ATG4C: variants seen among roughly 807,000 people sequenced by gnomAD.
ATG4C encodes the protein autophagy related 4C cysteine peptidase, also known as cysteine protease ATG4C.
In ATG4C, 56 loss-of-function variants were observed where a neutral mutation model predicts 57.6. The observed-to-expected ratio is 0.97, with a 90% CI of 0.78 to 1.21. The LOEUF (loss-of-function observed/expected upper bound fraction) is 1.21. ATG4C is among the 50% of genes most tolerant of loss of function. The probability of loss-of-function intolerance (pLI) is 0.00; values close to 1 mark genes in which losing one functional copy is unlikely to be tolerated. For synonymous variants in ATG4C, 157 were observed against 174.1 expected, an observed-to-expected ratio of 0.90 and a Z score of 0.78; for missense variants, 595 against 529.8, an observed-to-expected ratio of 1.12 and a Z score of -1.21.
At chr1:62,833,360 A>G (rs1665900798) in intron 7 of ATG4C, among the ~76,000 whole-genome samples, 2 of 152,158 alleles carry the variant, frequency 1.3e-5, no homozygotes, top group Non-Finnish European at 2.9e-5. Context: ...AAAAAGATAT[A>G]GAGTTGATTT....
At chr1:62,838,510 G>A (rs778504441) in intron 9 of ATG4C, among the ~76,000 whole-genome samples, 4 of 152,122 alleles carry the variant, frequency 2.6e-5, no homozygotes, top group Admixed American at 6.6e-5. Flanking sequence ...AGGCATGATG[G>A]CTCCCGCCTG....
chr1:62,850,871 T>C (rs1480120165), intron 10 of ATG4C, among the ~76,000 whole-genome samples: 1 of 70,948 alleles, frequency 1.4e-5, no homozygotes, highest in Non-Finnish European at 2.7e-5. Flanking sequence ...TATATATATA[T>C]ATATATATAT....
chr1:62,797,116 GAAAAA>G (rs910303370), intron 1 of ATG4C, among the ~76,000 whole-genome samples: 1 of 149,140 alleles, frequency 6.7e-6, no homozygotes, highest in African/African-American at 2.5e-5. Context: ...CGGGGAAAAA[GAAAAA>G]AAAAGAAACT....
intron 6 of ATG4C, among the ~76,000 whole-genome samples, chr1:62,823,037 TC>T (rs1337261607): frequency 6.6e-6 from 1 of 152,114 alleles, no homozygotes; most frequent in Admixed American, 6.5e-5. Flanking sequence ...ATGCCTGTAG[TC>T]CCAGCTACTC....
chr1:62,835,865 G>A (rs1665983417), intron 9 of ATG4C, among the ~76,000 whole-genome samples: 1 of 151,998 alleles, frequency 6.6e-6, no homozygotes, highest in Non-Finnish European at 1.5e-5. Flanking sequence ...GAATAATTGT[G>A]CCATGTGAAC....
intron 7 of ATG4C, among the ~76,000 whole-genome samples, chr1:62,830,369 C>G (rs145208579): frequency 3.3e-5 from 5 of 152,004 alleles, no homozygotes; most frequent in African/African-American, 1.2e-4. Context: ...GGGTTCTAAT[C>G]AAATCTGAAC....
At position 62,805,163 on chromosome 1, in the gene ATG4C, T is replaced by A; in HGVS notation, c.77-9T>A. ...AAACGTTTTCTTTTCTTTTTTTTTT[T>A]TTTGCTAGGTTGGGTGTTGAAAACA... On this transcript the variant is annotated splice_polypyrimidine_tract_variant and intron_variant, in intron 2 of 10. Transcript: ENST00000317868. 6.6e-7 allele frequency: 1 copy of A among 1,522,610 alleles called. No homozygotes were observed. The highest frequency in any genetic ancestry group is 8.7e-7 in the Non-Finnish European group (1 of 1,148,352). 94.3% of individuals were successfully genotyped at this position (1,522,610 alleles called of 1,614,324 possible).
At chr1:62,843,451 AC>A (rs1283819989) in intron 10 of ATG4C, among the ~76,000 whole-genome samples, 1 of 152,178 alleles carries the variant, frequency 6.6e-6, no homozygotes, top group Non-Finnish European at 1.5e-5. Context: ...TAAGTTAAGC[AC>A]TTGCCTTTTT....
At chr1:62,800,550 C>G (rs1160860365) in intron 1 of ATG4C, among the ~76,000 whole-genome samples, 1 of 152,158 alleles carries the variant, frequency 6.6e-6, no homozygotes, top group African/African-American at 2.4e-5. Context: ...TGTGGATGCA[C>G]TATATATAAT....
intron 9 of ATG4C, among the ~76,000 whole-genome samples, chr1:62,839,178 C>T (rs1193731810): frequency 6.6e-6 from 1 of 152,198 alleles, no homozygotes; most frequent in East Asian, 1.9e-4. Context: ...CCCACCTAAG[C>T]CTCCTAAGTA....
At chr1:62,804,434 A>G (rs1664788443) in intron 2 of ATG4C, among the ~76,000 whole-genome samples, 1 of 151,358 alleles carries the variant, frequency 6.6e-6, no homozygotes, top group South Asian at 2.1e-4. Context: ...TAATATCCTC[A>G]TGTCTTGCAT....
chr1:62,804,999 CT>C (rs1284145751), intron 2 of ATG4C, among the ~76,000 whole-genome samples, 172 bp from the exon 3 acceptor site: 1 of 152,002 alleles, frequency 6.6e-6, no homozygotes, highest in Non-Finnish European at 1.5e-5. Context: ...CATAAATTGC[CT>C]TTATTTCCAG....
intron 1 of ATG4C, among the ~76,000 whole-genome samples, chr1:62,789,317 A>G (rs1664193203): frequency 1.3e-5 from 2 of 152,186 alleles, no homozygotes; most frequent in African/African-American, 4.8e-5. Flanking sequence ...TGATGAAATT[A>G]TCTCAAATCT....
rs1454961734 is a variant in ATG4C, at chr1:62,864,354, A to G, written c.*195A>G. 4.5e-6 allele frequency: 2 copies of G among 446,530 alleles called. No individual in the cohort carries two copies. Among genetic ancestry groups the G allele is most frequent in the Non-Finnish European group, 7.8e-6 (2 of 257,126 alleles). 27.7% of individuals were successfully genotyped at this position (446,530 alleles called of 1,614,324 possible). ...GATTTAATGAATCTTGCTTTCTAAT[A>G]AATAAATTGAGTGATTCTGGTTGCA... On this transcript the variant is annotated 3_prime_UTR_variant, in exon 11 of 11. Coordinates refer to ENST00000317868, the MANE Select transcript of ATG4C (RefSeq NM_032852.4).
At chr1:62,822,848 A>G (rs1665525805) in intron 6 of ATG4C, among the ~76,000 whole-genome samples, 1 of 152,158 alleles carries the variant, frequency 6.6e-6, no homozygotes, top group South Asian at 2.1e-4. Context: ...ACTCTATACT[A>G]GGACTTTTAA....
intron 9 of ATG4C, among the ~76,000 whole-genome samples, chr1:62,835,925 T>C (rs1181606347): frequency 6.6e-6 from 1 of 152,114 alleles, no homozygotes; most frequent in Non-Finnish European, 1.5e-5. Context: ...CTGATTCTTG[T>C]GTCCAAGTTA....
In ATG4C at chr1:62,852,235, A is replaced by C. The variant is rs553166184; in HGVS notation, c.1209+10688A>C. 3.3e-5 allele frequency among the ~76,000 whole-genome samples: 5 copies of C among 152,338 alleles called. No individual in the cohort carries two copies. In the Middle Eastern group the frequency reaches 0.017, roughly 518 times the overall value. ...TTATTCTCCCAGACCGGATCAGTGC[A>C]GACACACCAGCTCACCTCATGTGCA... On this transcript the variant is annotated intron_variant, in intron 10 of 10. Transcript: ENST00000317868.
At position 62,800,734 on chromosome 1, in the gene ATG4C, G is replaced by A. The variant is rs147145845; in HGVS notation, c.-68-2985G>A. ...AGTGATATACCTATATTTCATATCA[G>A]TTCACTGATTCCTTTAATAAATATT... On this transcript the variant is annotated intron_variant, in intron 1 of 10. Transcript: ENST00000317868. 1.4e-3 allele frequency among the ~76,000 whole-genome samples: 207 copies of A among 152,180 alleles called. 1 individual carries two copies. Among genetic ancestry groups the A allele is most frequent in the East Asian group, 0.012 (63 of 5,174 alleles).
intron 3 of ATG4C, among the ~76,000 whole-genome samples, chr1:62,812,697 G>A (rs543293539): frequency 6.6e-6 from 1 of 152,268 alleles, no homozygotes; most frequent in Non-Finnish European, 1.5e-5. Flanking sequence ...TTTTGCAGAT[G>A]ACATGATTGT....
Sources: gnomAD v4.1 joint callset for allele counts (sites outside exome capture counted in the v4.1 genomes callset) on GRCh38, gnomAD v4.1.1 for gene constraint, MANE v1.5 for transcripts, NCBI Gene and HGNC (gene_info 2026-07-23, HGNC 2026-07-21) for gene names.